The following RRS1 variants were observed in gnomAD, a reference collection of about 807,000 sequenced individuals.
RRS1 encodes ribosome biogenesis regulatory protein homolog.
A neutral mutation model predicts 23.1 loss-of-function variants in RRS1; 10 were observed. That is an observed-to-expected ratio of 0.43 (90% confidence interval 0.27 to 0.74). The LOEUF (loss-of-function observed/expected upper bound fraction) is 0.74, where lower values mean the gene tolerates loss of function less well. Ranked by LOEUF, RRS1 falls within the 30% of genes least tolerant of loss-of-function variation. RRS1 has a pLI of 0.19. For missense variants in RRS1, 485 were observed against 484.3 expected, an observed-to-expected ratio of 1.00 and a Z score of -0.01; for synonymous variants, 198 against 207.7, an observed-to-expected ratio of 0.95 and a Z score of 0.40.
chr8:66,430,322 G>A lies in RRS1; in HGVS notation c.*93G>A. On this transcript the variant is annotated 3_prime_UTR_variant, in exon 1 of 1. Coordinates refer to ENST00000320270, the MANE Select transcript of RRS1 (RefSeq NM_015169.4). ...ATTATACGGGGACTCAGAAGGACCT[G>A]GCCGCTGCCTTCATTGAGTTTAAAG... 7.3e-7 allele frequency: 1 copy of A among 1,372,620 alleles called. No individual in the cohort carries two copies. The highest frequency in any genetic ancestry group is 1.0e-6 in the Non-Finnish European group (1 of 993,904). The allele number at this position is 1,372,620 out of a possible 1,614,324, so 85.0% of individuals were successfully genotyped here.
Position 66,429,624 on chromosome 8 carries a change from G to A in RRS1, c.493G>A (p.Asp165Asn), listed in dbSNP as rs573123921. Residue 165 changes from aspartate (D) to asparagine (N), a missense_variant, in exon 1 of 1, where the codon GAC (aspartate) becomes AAC (asparagine). Physicochemically the swap from Asp to Asn is conservative, Grantham distance 23. Coordinates refer to ENST00000320270, the MANE Select transcript of RRS1 (RefSeq NM_015169.4). The surrounding 1 kb of genome is among the most constrained non-coding windows in gnomAD (Gnocchi z 5.1). The stretch of plus-strand genomic sequence containing the variant: ...GCTGATTGAGGTGCCCGGCAATGCC[G>A]ACCCCTTGGAGGACCAGTTCGCCAA... ...EWLIEVPGNA[D>N]PLEDQFAKRI... The A allele has an allele frequency of 6.2e-7, 1 of 1,613,084 alleles. No homozygotes were observed. The highest frequency in any genetic ancestry group is 8.5e-7 in the Non-Finnish European group (1 of 1,180,002).
rs775469133 is a variant in RRS1, at chr8:66,430,108, GC to G, written c.980del (p.Pro327ArgfsTer16). The G allele has an allele frequency of 8.7e-6, 14 of 1,613,482 alleles. No individual in the cohort carries two copies. Among genetic ancestry groups the G allele is most frequent in the Non-Finnish European group, 1.2e-5 (14 of 1,179,806 alleles). On this transcript the variant is annotated frameshift_variant, in exon 1 of 1. Transcript: ENST00000320270. LOFTEE classifies it high-confidence loss of function. ...RQGPGGKRKG[G>X]PPSQGGKRKG... ...GGGCCTGGGGGCAAGAGGAAAGGGG[GC>G]CCGCCCAGCCAGGGAGGGAAGAGGA... is the stretch of plus-strand genomic sequence containing the variant.
At position 66,429,233 on chromosome 8, in the gene RRS1, T is replaced by C. The variant is rs1417974617; in HGVS notation, c.102T>C (p.Phe34=). The change falls in exon 1 of 1, where the codon TTT becomes TTC. Residue 34 remains phenylalanine (F), a synonymous_variant. Transcript: ENST00000320270. This position sits in a 1 kb window ranked among gnomAD's most constrained non-coding sequence, Gnocchi z 5.1. ...TGCACAAGGAGCTGGAGCTGCAGTT[T>C]GACCTGGGCAACCTGCTGGCGTCGG... ...ITVHKELELQ[F]DLGNLLASDR... 1 of 1,609,872 alleles carries C rather than the reference T, an allele frequency of 6.2e-7. No individual in the cohort carries two copies. The highest frequency in any genetic ancestry group is 1.3e-5 in the African/African-American group (1 of 74,876).
Position 66,429,854 on chromosome 8 carries a change from G to A in RRS1, c.723G>A (p.Lys241=), listed in dbSNP as rs1805187082. Residue 241 remains lysine, a synonymous_variant, in exon 1 of 1, where the codon AAG becomes AAA. Transcript: ENST00000320270. The surrounding 1 kb of genome is among the most constrained non-coding windows in gnomAD (Gnocchi z 5.1). ...SVGRFQERLP[K]EKVPRGSGKK... ...GGCGCTTTCAGGAGCGCCTCCCCAA[G>A]GAGAAGGTGCCCCGGGGCTCCGGCA... is the stretch of plus-strand genomic sequence containing the variant. 1 of 1,613,674 alleles carries A rather than the reference G, an allele frequency of 6.2e-7. No homozygotes were observed. Among genetic ancestry groups the A allele is most frequent in the South Asian group, 1.1e-5 (1 of 91,086 alleles).
Position 66,430,290 on chromosome 8 carries a change from C to A in RRS1, c.*61C>A. On this transcript the variant is annotated 3_prime_UTR_variant, in exon 1 of 1. Transcript: ENST00000320270. ...GACTATGAATACTAAATGTTAAGTT[C>A]TAGGCAATTATACGGGGACTCAGAA... The A allele has an allele frequency of 1.3e-6, 2 of 1,573,582 alleles. No individual in the cohort carries two copies. Among genetic ancestry groups the A allele is most frequent in the South Asian group, 1.2e-5 (1 of 86,516 alleles).
At position 66,430,639 on chromosome 8, in the gene RRS1, G is replaced by C. The variant is rs78595779; in HGVS notation, c.*410G>C. 1,165 of 184,382 alleles carry C rather than the reference G, an allele frequency of 6.3e-3. 14 individuals carry two copies. Among genetic ancestry groups the C allele is most frequent in the African/African-American group, 0.027 (1,121 of 41,916 alleles). 11.4% of individuals were successfully genotyped at this position (184,382 alleles called of 1,614,324 possible). On this transcript the variant is annotated 3_prime_UTR_variant, in exon 1 of 1. Transcript: ENST00000320270. ...TTGTGTATCAGAGCGGGAGTGCGGG[G>C]GAGGGAAAGAAAACAAACAGTTTCA...
At position 66,430,464 on chromosome 8, in the gene RRS1, G is replaced by T. The variant is rs1378551986; in HGVS notation, c.*235G>T. On this transcript the variant is annotated 3_prime_UTR_variant, in exon 1 of 1. Transcript: ENST00000320270. ...ACTTATTTGAGGATTTAAGAATTAG[G>T]GAAATAATTTGGTGGAAACCGGGAA... The T allele has an allele frequency of 5.5e-5, 27 of 494,512 alleles. 1 individual carries two copies. The highest frequency in any genetic ancestry group is 7.2e-6 in the Non-Finnish European group (2 of 277,508). The allele number at this position is 494,512 out of a possible 1,614,324, so 30.6% of individuals were successfully genotyped here.
rs3739334 is a variant in RRS1, at chr8:66,429,143, G to A, written c.12G>A (p.Gln4=). Residue 4 remains glutamine (Q), a synonymous_variant, in exon 1 of 1, where the codon CAG becomes CAA. Coordinates refer to ENST00000320270, the MANE Select transcript of RRS1 (RefSeq NM_015169.4). The surrounding 1 kb of genome is among the most constrained non-coding windows in gnomAD (Gnocchi z 5.1). ...GCCGAGCCGGAGCCATGGAGGGCCA[G>A]AGCGTGGAGGAGCTGCTCGCAAAGG... The part of the protein sequence containing the change: MEG[Q]SVEELLAKAE... The A allele has an allele frequency of 0.052, 83,233 of 1,607,824 alleles. 3,936 individuals are homozygous for A. Among genetic ancestry groups the A allele is most frequent in the Admixed American group, 0.2 (12,098 of 59,822 alleles).
rs1805158261 is a variant in RRS1, at chr8:66,429,018, T to C, written c.-114T>C. 2 of 1,447,380 alleles carry C rather than the reference T, an allele frequency of 1.4e-6. No homozygotes were observed. The highest frequency in any genetic ancestry group is 2.9e-5 in the African/African-American group (2 of 70,046). 89.7% of individuals were successfully genotyped at this position (1,447,380 alleles called of 1,614,324 possible). On this transcript the variant is annotated 5_prime_UTR_variant, in exon 1 of 1. Coordinates refer to ENST00000320270, the MANE Select transcript of RRS1 (RefSeq NM_015169.4). The surrounding 1 kb of genome is among the most constrained non-coding windows in gnomAD (Gnocchi z 5.1). ...ACGCTCCGGAAGCGAACCTTTCTTT[T>C]CCGGATTGGGCATCCCGGCATCTGC...
chr8:66,429,520 A>G lies in RRS1; in HGVS notation c.389A>G (p.Asn130Ser). The G allele has an allele frequency of 6.2e-7, 1 of 1,611,470 alleles. No individual in the cohort carries two copies. ...LKGIRPKKKT[N>S]LVWDEVSGQW... ...GGCATCCGTCCCAAGAAGAAGACCA[A>G]CCTGGTGTGGGACGAGGTGAGTGGC... Residue 130 changes from asparagine to serine, a missense_variant, in exon 1 of 1, where the codon AAC becomes AGC. By Grantham distance (46) the Asn-to-Ser change is conservative. Coordinates refer to ENST00000320270, the MANE Select transcript of RRS1 (RefSeq NM_015169.4). The surrounding 1 kb of genome is among the most constrained non-coding windows in gnomAD (Gnocchi z 5.1).
Position 66,429,292 on chromosome 8 carries a change from G to T in RRS1, c.161G>T (p.Gly54Val), listed in dbSNP as rs1805169746. Residue 54 changes from glycine (G) to valine (V), a missense_variant, in exon 1 of 1, where the codon GGA becomes GTA. By Grantham distance (109) the Gly-to-Val change is moderately radical (BLOSUM62 -3). Coordinates refer to ENST00000320270, the MANE Select transcript of RRS1 (RefSeq NM_015169.4). The surrounding 1 kb of genome is among the most constrained non-coding windows in gnomAD (Gnocchi z 5.1). ...RNPPTGLRCA[G>V]PTPEAELQAL... is the part of the protein sequence containing the mutation. ...CCCCCGACCGGGCTGCGGTGCGCCG[G>T]ACCCACGCCGGAGGCCGAGCTACAG... 6.4e-7 allele frequency: 1 copy of T among 1,565,798 alleles called. No homozygotes were observed. The highest frequency in any genetic ancestry group is 1.2e-5 in the South Asian group (1 of 85,966).
rs755405055 is a variant in RRS1 at position 66,429,748 on chromosome 8, G to T, written c.617G>T (p.Gly206Val). 7 of 1,612,568 alleles carry T rather than the reference G, an allele frequency of 4.3e-6. No homozygotes were observed. The highest frequency in any genetic ancestry group is 5.9e-6 in the Non-Finnish European group (7 of 1,179,986). The change falls in exon 1 of 1, where the codon GGC (glycine) becomes GTC (valine). Residue 206 changes from glycine to valine, a missense_variant. Gly to Val is a moderately radical substitution (Grantham distance 109). Transcript: ENST00000320270. This position sits in a 1 kb window ranked among gnomAD's most constrained non-coding sequence, Gnocchi z 5.1. ...AHKMQLPSAA[G>V]LHPTGHQSKE... ...AAGATGCAGCTGCCCAGCGCGGCCG[G>T]CTTGCACCCTACCGGACACCAGAGT...
Position 66,429,330 on chromosome 8 carries a change from G to A in RRS1, c.199G>A (p.Asp67Asn). 2 of 1,553,338 alleles carry A rather than the reference G, an allele frequency of 1.3e-6. No individual in the cohort carries two copies. The highest frequency in any genetic ancestry group is 1.7e-6 in the Non-Finnish European group (2 of 1,148,308). ...PEAELQALAR[D>N]NTQLLINQLW... ...GGCCGAGCTACAGGCCCTGGCGCGG[G>A]ACAACACGCAACTGCTCATCAACCA... Residue 67 changes from aspartate to asparagine, a missense_variant, in exon 1 of 1, where the codon GAC becomes AAC. Coordinates refer to ENST00000320270, the MANE Select transcript of RRS1 (RefSeq NM_015169.4). The surrounding 1 kb of genome is among the most constrained non-coding windows in gnomAD (Gnocchi z 5.1).
Position 66,429,958 on chromosome 8 carries a change from A to G in RRS1, c.827A>G (p.Asn276Ser). The change falls in exon 1 of 1, where the codon AAC becomes AGC. Residue 276 changes from asparagine to serine, a missense_variant. Physicochemically the swap from Asn to Ser is conservative, Grantham distance 46 (BLOSUM62 1). Coordinates refer to ENST00000320270, the MANE Select transcript of RRS1 (RefSeq NM_015169.4). This position sits in a 1 kb window ranked among gnomAD's most constrained non-coding sequence, Gnocchi z 5.1. ...CAGTTGGAGCTGCTTCGTGTCATGAACAGCAAGAAGCCTCAGCTGGATGTG... is the reference window on the plus strand; with the variant it reads ...CAGTTGGAGCTGCTTCGTGTCATGAGCAGCAAGAAGCCTCAGCTGGATGTG... ...KNQLELLRVM[N>S]SKKPQLDVTR... 1 of 1,614,162 alleles carries G rather than the reference A, an allele frequency of 6.2e-7. No homozygotes were observed. Among genetic ancestry groups the G allele is most frequent in the Non-Finnish European group, 8.5e-7 (1 of 1,180,018 alleles).
Position 66,430,331 on chromosome 8 carries a change from CTTCA to C in RRS1, c.*105_*108del, listed in dbSNP as rs1349997680. Reference sequence around the variant, plus strand: ...GGACTCAGAAGGACCTGGCCGCTGCCTTCATTGAGTTTAAAGGGACAGGATTGCC... The same window carrying C: ...GGACTCAGAAGGACCTGGCCGCTGCCTTGAGTTTAAAGGGACAGGATTGCC... On this transcript the variant is annotated 3_prime_UTR_variant, in exon 1 of 1. Transcript: ENST00000320270. 7.8e-7 allele frequency: 1 copy of C among 1,286,738 alleles called. No individual in the cohort carries two copies. The highest frequency in any genetic ancestry group is 1.1e-6 in the Non-Finnish European group (1 of 919,074). 79.7% of individuals were successfully genotyped at this position (1,286,738 alleles called of 1,614,324 possible). A position where few individuals can be genotyped will look rare whatever the true frequency, so the allele number is the denominator to read the frequency against.
rs1298880805 is a variant in RRS1, at chr8:66,430,528, A to C, written c.*299A>C. 5.6e-6 allele frequency: 2 copies of C among 357,880 alleles called. No homozygotes were observed. The highest frequency in any genetic ancestry group is 5.2e-6 in the Non-Finnish European group (1 of 190,708). The allele number at this position is 357,880 out of a possible 1,614,324, so 22.2% of individuals were successfully genotyped here. On this transcript the variant is annotated 3_prime_UTR_variant, in exon 1 of 1. Transcript: ENST00000320270. ...TAAACAGCCTTTTTTTTTCTTTTTA[A>C]TGTTGGATATACGGCGAGGTAGAGT...
Position 66,429,282 on chromosome 8 carries a change from C to T in RRS1, c.151C>T (p.Arg51Trp). The T allele has an allele frequency of 6.4e-7, 1 of 1,572,460 alleles. No homozygotes were observed. Among genetic ancestry groups the T allele is most frequent in the Non-Finnish European group, 8.6e-7 (1 of 1,158,976 alleles). ...GGACCGGAACCCCCCGACCGGGCTG[C>T]GGTGCGCCGGACCCACGCCGGAGGC... Reference protein sequence around the residue: ...ASDRNPPTGLRCAGPTPEAEL... With the variant: ...ASDRNPPTGLWCAGPTPEAEL... The change falls in exon 1 of 1, where the codon CGG (arginine) becomes TGG (tryptophan). Residue 51 changes from arginine to tryptophan, a missense_variant. Transcript: ENST00000320270. The surrounding 1 kb of genome is among the most constrained non-coding windows in gnomAD (Gnocchi z 5.1).
Position 66,429,389 on chromosome 8 carries a change from G to C in RRS1, c.258G>C (p.Glu86Asp), listed in dbSNP as rs556647477. ...LWQLPTERVEEAIVARLPEPT... is the reference protein window; with the variant it reads ...LWQLPTERVEDAIVARLPEPT... ...AGCTGCCCACGGAGCGCGTGGAAGAGGCGATAGTGGCGCGGCTGCCGGAGC... is the reference window on the plus strand; with the variant it reads ...AGCTGCCCACGGAGCGCGTGGAAGACGCGATAGTGGCGCGGCTGCCGGAGC... Residue 86 changes from glutamate (E) to aspartate (D), a missense_variant, in exon 1 of 1, where the codon GAG becomes GAC. Transcript: ENST00000320270. This position sits in a 1 kb window ranked among gnomAD's most constrained non-coding sequence, Gnocchi z 5.1. 9.8e-5 allele frequency: 152 copies of C among 1,550,482 alleles called. No individual in the cohort carries two copies. The highest frequency in any genetic ancestry group is 1.2e-4 in the Non-Finnish European group (140 of 1,146,958).
In RRS1 at chr8:66,429,375, G is replaced by C; in HGVS notation, c.244G>C (p.Glu82Gln). The C allele has an allele frequency of 6.4e-7, 1 of 1,550,552 alleles. No homozygotes were observed. Among genetic ancestry groups the C allele is most frequent in the Non-Finnish European group, 8.7e-7 (1 of 1,146,902 alleles). The change falls in exon 1 of 1, where the codon GAG becomes CAG. Residue 82 changes from glutamate (E) to glutamine (Q), a missense_variant. Glu to Gln is a conservative substitution (Grantham distance 29, BLOSUM62 2). Transcript: ENST00000320270. The surrounding 1 kb of genome is among the most constrained non-coding windows in gnomAD (Gnocchi z 5.1). ...LINQLWQLPT[E>Q]RVEEAIVARL... ...CAACCAGCTGTGGCAGCTGCCCACG[G>C]AGCGCGTGGAAGAGGCGATAGTGGC... is the stretch of plus-strand genomic sequence containing the variant.
Sources: gnomAD v4.1 joint callset for allele counts on GRCh38, gnomAD v4.1.1 for gene constraint, Gnocchi (gnomAD v3.1) non-coding constraint, MANE v1.5 for transcripts, NCBI Gene and HGNC (gene_info 2026-07-23, HGNC 2026-07-21) for gene names.